The following ADAMTS17 variants were observed in gnomAD, a reference collection of about 807,000 sequenced individuals.
ADAMTS17 encodes the protein A disintegrin and metalloproteinase with thrombospondin motifs 17.
A neutral mutation model predicts 141.5 loss-of-function variants in ADAMTS17; 113 were observed. The observed-to-expected ratio is 0.80, with a 90% CI of 0.69 to 0.93. The LOEUF (loss-of-function observed/expected upper bound fraction) is 0.93. Among genes scored for constraint, ADAMTS17 ranks in the 40% least tolerant of loss-of-function variants. The pLI is 0.00. For missense variants in ADAMTS17, 1,659 were observed against 1,517.9 expected (o/e 1.09, Z -1.54); for synonymous variants, 768 against 630.6 (o/e 1.22, Z -3.27).
At chr15:99,985,304 CAG>C (rs1427686651) in intron 20 of ADAMTS17, among the ~76,000 whole-genome samples, 2 of 152,228 alleles carry the variant, frequency 1.3e-5, no homozygotes, top group East Asian at 3.9e-4. Context: ...GATCTGGATG[CAG>C]AGTGCTGGCT....
chr15:100,099,808 C>A (rs1270031798), intron 14 of ADAMTS17, among the ~76,000 whole-genome samples: 1 of 152,192 alleles, frequency 6.6e-6, no homozygotes, highest in African/African-American at 2.4e-5. Context: ...GTCAAGACAG[C>A]TCCTGAGAAA....
At chr15:100,263,781 A>G (rs1461933621) in intron 4 of ADAMTS17, among the ~76,000 whole-genome samples, 4 of 152,268 alleles carry the variant, frequency 2.6e-5, no homozygotes, top group Non-Finnish European at 5.9e-5. Context: ...ACCTATAGAC[A>G]TAACCCAGGA....
intron 3 of ADAMTS17, among the ~76,000 whole-genome samples, chr15:100,301,341 T>A (rs199804770): frequency 1.4e-3 from 206 of 147,730 alleles, no homozygotes; most frequent in Non-Finnish European, 2.1e-3. Context: ...ATATATATAT[T>A]TTTCTGAGAC....
chr15:100,062,441 T>C lies in ADAMTS17; in HGVS notation c.2138-8387A>G, dbSNP rs560892250. ...CAAGGCAGGTGTGCGAGGAGCATCT[T>C]AGCGTCAAAGCATTTCCTAACTCTT... On this transcript the variant is annotated intron_variant, in intron 15 of 21. Coordinates refer to ENST00000268070, the MANE Select transcript of ADAMTS17 (RefSeq NM_139057.4). Among the ~76,000 whole-genome samples, 5 of 152,318 alleles carry C rather than the reference T, an allele frequency of 3.3e-5. No individual in the cohort carries two copies. In the East Asian group the frequency reaches 9.7e-4, roughly 30 times the overall value.
chr15:100,223,687 G>A (rs547002532), intron 7 of ADAMTS17, among the ~76,000 whole-genome samples: 3 of 149,320 alleles, frequency 2.0e-5, no homozygotes, highest in Non-Finnish European at 4.4e-5. Flanking sequence ...ACACATATAT[G>A]TGTATATATA....
chr15:99,974,619 T>C, intron 21 of ADAMTS17, 57 bp from the exon 22 acceptor site: 2 of 1,606,720 alleles, frequency 1.2e-6, no homozygotes, highest in Non-Finnish European at 1.7e-6. Context: ...CATGTCCTGA[T>C]GCAGGCACAG....
intron 15 of ADAMTS17, among the ~76,000 whole-genome samples, chr15:100,080,117 T>C (rs1487000994): frequency 6.9e-6 from 1 of 144,320 alleles, no homozygotes; most frequent in Non-Finnish European, 1.5e-5. Flanking sequence ...CTGACACCAC[T>C]CACCATCACC....
chr15:100,032,945 G>A (rs1435496091), intron 18 of ADAMTS17, among the ~76,000 whole-genome samples: 1 of 152,108 alleles, frequency 6.6e-6, no homozygotes, highest in Non-Finnish European at 1.5e-5. Context: ...TTCCCAAAGA[G>A]CTTTGCCTTT....
chr15:100,075,028 G>A (rs75170919), intron 15 of ADAMTS17, among the ~76,000 whole-genome samples: 13 of 151,924 alleles, frequency 8.6e-5, no homozygotes, highest in Non-Finnish European at 1.8e-4. Context: ...ATAAATTCTA[G>A]TTGTTATTTT....
At chr15:100,232,861 C>T (rs2042530479) in intron 7 of ADAMTS17, among the ~76,000 whole-genome samples, 1 of 152,162 alleles carries the variant, frequency 6.6e-6, no homozygotes, top group Non-Finnish European at 1.5e-5. Context: ...TCCACTGCAG[C>T]AGGTCTCACA....
At chr15:100,033,353 G>C (rs1294960492) in intron 18 of ADAMTS17, among the ~76,000 whole-genome samples, 1 of 152,216 alleles carries the variant, frequency 6.6e-6, no homozygotes, top group Non-Finnish European at 1.5e-5. Flanking sequence ...TGCTGATGTT[G>C]AAAGTTCCCA....
In ADAMTS17 at chr15:100,174,188, G is replaced by C. The variant is rs184703051; in HGVS notation, c.1182-18868C>G. 5.8e-4 allele frequency among the ~76,000 whole-genome samples: 88 copies of C among 152,288 alleles called. 1 individual carries two copies. Among genetic ancestry groups the C allele is most frequent in the Admixed American group, 5.8e-3 (88 of 15,296 alleles). On this transcript the variant is annotated intron_variant, in intron 8 of 21. Transcript: ENST00000268070. The stretch of plus-strand genomic sequence containing the variant: ...TCTTAGCTAGGCAACACAACATTCA[G>C]GATAATCATTTCTTGGTTAAAGTCA...
intron 8 of ADAMTS17, among the ~76,000 whole-genome samples, chr15:100,197,532 T>C (rs1294365803): frequency 6.6e-6 from 1 of 152,180 alleles, no homozygotes; most frequent in Non-Finnish European, 1.5e-5. Context: ...TTAATACAAA[T>C]GCAATTGAAC....
chr15:100,080,329 T>G (rs941622914), intron 15 of ADAMTS17, among the ~76,000 whole-genome samples: 3 of 152,188 alleles, frequency 2.0e-5, no homozygotes, highest in Admixed American at 2.0e-4. Context: ...GTTACAGTGT[T>G]GACTGGGGTG....
At chr15:100,145,649 A>T (rs2038865989) in intron 10 of ADAMTS17, among the ~76,000 whole-genome samples, 1 of 152,186 alleles carries the variant, frequency 6.6e-6, no homozygotes, top group African/African-American at 2.4e-5. Flanking sequence ...ACCCTAATGT[A>T]ATGAGAATTG....
intron 20 of ADAMTS17, among the ~76,000 whole-genome samples, chr15:99,990,021 T>C (rs950291117): frequency 2.0e-5 from 3 of 152,154 alleles, no homozygotes; most frequent in African/African-American, 4.8e-5. Context: ...AATGTCTCTA[T>C]TGTGTGAGTT....
chr15:100,282,801 A>T (rs1481727189), intron 3 of ADAMTS17, among the ~76,000 whole-genome samples: 1 of 152,252 alleles, frequency 6.6e-6, no homozygotes, highest in Non-Finnish European at 1.5e-5. Flanking sequence ...CAACAACAGT[A>T]AAAAGGTATA....
chr15:100,041,258 C>T (rs1160038672), intron 18 of ADAMTS17, among the ~76,000 whole-genome samples: 2 of 152,220 alleles, frequency 1.3e-5, no homozygotes, highest in Admixed American at 1.3e-4. Flanking sequence ...ATGTTCTTTT[C>T]TGAATCACTC....
intron 7 of ADAMTS17, among the ~76,000 whole-genome samples, chr15:100,203,858 A>G (rs1305413696): frequency 6.6e-6 from 1 of 151,902 alleles, no homozygotes; most frequent in African/African-American, 2.4e-5. Flanking sequence ...GAGATCCATC[A>G]CTGCACTGCA....
Sources: gnomAD v4.1 joint callset for allele counts (sites outside exome capture counted in the v4.1 genomes callset) on GRCh38, gnomAD v4.1.1 for gene constraint, MANE v1.5 for transcripts, NCBI Gene and HGNC (gene_info 2026-07-23, HGNC 2026-07-21) for gene names.